Variants in WWTR1 observed in about 807,000 individuals in gnomAD.
The protein encoded by WWTR1 is WW domain-containing transcription regulator protein 1.
A neutral mutation model predicts 40.1 loss-of-function variants in WWTR1; 13 were observed. That is an observed-to-expected ratio of 0.32 (90% confidence interval 0.21 to 0.52). The LOEUF (loss-of-function observed/expected upper bound fraction) is 0.52. Among genes scored for constraint, WWTR1 ranks in the 20% least tolerant of loss-of-function variants. The pLI is 0.97. For synonymous variants in WWTR1, 230 were observed against 210.1 expected, an observed-to-expected ratio of 1.09 and a Z score of -0.82; for missense variants, 436 against 523.1, an observed-to-expected ratio of 0.83 and a Z score of 1.63.
chr3:149,580,199 A>G (rs950474726), intron 2 of WWTR1, among the ~76,000 whole-genome samples: 3 of 152,206 alleles, frequency 2.0e-5, no homozygotes. Context: ...AGACCTAGGA[A>G]ATGACATATA....
chr3:149,527,981 AT>A lies in WWTR1; in HGVS notation c.772-13del. ...CAGAGGGCAGCTTCCTACAGTCAGA[AT>A]GGGAAGCAAGAGTCATGCACTCATT... On this transcript the variant is annotated splice_polypyrimidine_tract_variant and intron_variant, in intron 4 of 6. Coordinates refer to ENST00000360632, the MANE Select transcript of WWTR1 (RefSeq NM_015472.6). 1.2e-6 allele frequency: 2 copies of A among 1,612,614 alleles called. No homozygotes were observed. The highest frequency in any genetic ancestry group is 1.7e-6 in the Non-Finnish European group (2 of 1,179,284).
At chr3:149,529,915 C>T (rs572923643) in intron 4 of WWTR1, among the ~76,000 whole-genome samples, 123 of 152,242 alleles carry the variant, frequency 8.1e-4, no homozygotes, top group Non-Finnish European at 1.0e-3. Context: ...AAAACATGAA[C>T]TTTACTAGAA....
chr3:149,573,043 A>G, intron 2 of WWTR1, 43 bp from the exon 3 acceptor site: 1 of 1,529,990 alleles, frequency 6.5e-7, no homozygotes, highest in Non-Finnish European at 8.8e-7. Context: ...AATTGTCAGC[A>G]TCATTATCAT....
At chr3:149,628,969 C>T (rs1486711689) in intron 2 of WWTR1, among the ~76,000 whole-genome samples, 2 of 151,960 alleles carry the variant, frequency 1.3e-5, no homozygotes, top group Non-Finnish European at 2.9e-5. Context: ...GATGGGTCTC[C>T]CTATGCTGCC....
At chr3:149,619,796 G>A (rs1421432646) in intron 2 of WWTR1, among the ~76,000 whole-genome samples, 1 of 152,186 alleles carries the variant, frequency 6.6e-6, no homozygotes, top group African/African-American at 2.4e-5. Context: ...GCCCAAAAAT[G>A]TGGTGGCCCC....
At chr3:149,557,386 T>C (rs1251039461) in intron 3 of WWTR1, among the ~76,000 whole-genome samples, 1 of 152,136 alleles carries the variant, frequency 6.6e-6, no homozygotes. Flanking sequence ...CTGTAATTTC[T>C]TTTTTAAGGA....
intron 2 of WWTR1, among the ~76,000 whole-genome samples, chr3:149,611,968 G>A (rs1431897282): frequency 1.3e-5 from 2 of 152,112 alleles, no homozygotes; most frequent in African/African-American, 4.8e-5. Flanking sequence ...AATCACATCA[G>A]ACATTACTAT....
At chr3:149,640,645 T>C (rs2108126257) in intron 2 of WWTR1, among the ~76,000 whole-genome samples, 1 of 152,184 alleles carries the variant, frequency 6.6e-6, no homozygotes, top group South Asian at 2.1e-4. Context: ...GGTCTCAAAC[T>C]CCTGGCCTCA....
At chr3:149,528,063 A>C in intron 4 of WWTR1, 94 bp from the exon 5 acceptor site, 1 of 1,468,986 alleles carries the variant, frequency 6.8e-7, no homozygotes, top group Non-Finnish European at 9.1e-7. Context: ...CCAAATACAA[A>C]GCACTGTGTA....
chr3:149,714,887 G>A (rs558599864), intron 5 of WWTR1, among the ~76,000 whole-genome samples: 11 of 152,212 alleles, frequency 7.2e-5, no homozygotes, highest in Non-Finnish European at 1.5e-4. Context: ...AGTCAGACTC[G>A]GAAGAGAGGA....
intron 2 of WWTR1, among the ~76,000 whole-genome samples, chr3:149,605,570 T>C (rs72997955): frequency 0.1 from 15,673 of 152,174 alleles, 954 homozygotes; most frequent in African/African-American, 0.17. Flanking sequence ...TTTGGACATG[T>C]TGCCTTTGAG....
chr3:149,606,634 T>C (rs1470286362), intron 2 of WWTR1, among the ~76,000 whole-genome samples: 8 of 152,168 alleles, frequency 5.3e-5, no homozygotes, highest in African/African-American at 1.9e-4. Flanking sequence ...AACCAAGTGC[T>C]GAGAATAGAG....
At chr3:149,527,153 C>CTTTTTTTTTTTTTTTTTTT (rs755334881) in intron 5 of WWTR1, among the ~76,000 whole-genome samples, 1 of 144,428 alleles carries the variant, frequency 6.9e-6, no homozygotes. Context: ...CTTTTCTTTT[C>CTTTTTTTTTTTTTTTTTTT]TTTCTTTTTT....
intron 5 of WWTR1, among the ~76,000 whole-genome samples, chr3:149,709,643 G>C (rs1432627372): frequency 1.3e-5 from 2 of 152,048 alleles, no homozygotes; most frequent in African/African-American, 2.4e-5. Flanking sequence ...GGTGGCTCAC[G>C]ACCGTAATCC....
At chr3:149,700,924 C>A (rs1219896031) in intron 1 of WWTR1, among the ~76,000 whole-genome samples, 1 of 152,226 alleles carries the variant, frequency 6.6e-6, no homozygotes, top group Non-Finnish European at 1.5e-5. Context: ...AACACCAGGA[C>A]TGAAACACAG....
At chr3:149,566,043 A>G (rs773413522) in intron 3 of WWTR1, among the ~76,000 whole-genome samples, 1 of 151,086 alleles carries the variant, frequency 6.6e-6, no homozygotes, top group South Asian at 2.1e-4. Flanking sequence ...AAAATCTAAG[A>G]AAATTGAGGG....
At chr3:149,580,696 C>T (rs1738109628) in intron 2 of WWTR1, among the ~76,000 whole-genome samples, 1 of 152,226 alleles carries the variant, frequency 6.6e-6, no homozygotes, top group African/African-American at 2.4e-5. Context: ...TCCCTGCAGC[C>T]TCTGCCTTCC....
chr3:149,595,308 T>A (rs140782982), intron 2 of WWTR1, among the ~76,000 whole-genome samples: 1 of 152,114 alleles, frequency 6.6e-6, no homozygotes, highest in South Asian at 2.1e-4. Context: ...TGAACCTAGA[T>A]AAAGAGCAAA....
At chr3:149,549,509 C>G (rs570438512) in intron 3 of WWTR1, among the ~76,000 whole-genome samples, 10 of 152,302 alleles carry the variant, frequency 6.6e-5, no homozygotes, top group African/African-American at 2.4e-4. Context: ...AAGAAACTGT[C>G]ACAGCCAAAA....
Sources: gnomAD v4.1 joint callset for allele counts (sites outside exome capture counted in the v4.1 genomes callset) on GRCh38, gnomAD v4.1.1 for gene constraint, MANE v1.5 for transcripts, NCBI Gene and HGNC (gene_info 2026-07-23, HGNC 2026-07-21) for gene names.